CLBA1: variants seen among roughly 807,000 people sequenced by gnomAD.
CLBA1 encodes uncharacterized protein CLBA1.
In CLBA1, 30 loss-of-function variants were observed where a neutral mutation model predicts 28.8. The ratio of observed to expected loss-of-function variants is 1.04; its 90% confidence interval spans 0.78 to 1.41. The LOEUF (loss-of-function observed/expected upper bound fraction) is 1.41, where lower values mean the gene tolerates loss of function less well. CLBA1 is among the 40% of genes most tolerant of loss of function. The probability of loss-of-function intolerance (pLI) is 0.00; values close to 1 mark genes in which losing one functional copy is unlikely to be tolerated. For missense variants in CLBA1, 451 were observed against 412.3 expected (o/e 1.09, Z -0.81); for synonymous variants, 160 against 152.8 (o/e 1.05, Z -0.35).
At chr14:104,999,723 T>C (rs951833049), downstream of CLBA1, among the ~76,000 whole-genome samples, 6 of 152,230 alleles carry the variant, frequency 3.9e-5, no homozygotes, top group African/African-American at 1.2e-4. Flanking sequence ...AGTGGGTCCA[T>C]AGAGGTCACT....
Position 104,994,729 on chromosome 14 carries a change from A to G in CLBA1, c.948A>G (p.Lys316=), listed in dbSNP as rs1900126580. The G allele has an allele frequency of 9.3e-6, 15 of 1,612,072 alleles. No homozygotes were observed. Among genetic ancestry groups the G allele is most frequent in the Non-Finnish European group, 1.3e-5 (15 of 1,179,268 alleles). Residue 316 remains lysine (K), a synonymous_variant, in exon 5 of 5, where the codon AAA becomes AAG. Transcript: ENST00000547315. ...RKRMFTPRKL[K]LTLFNSDVC is the part of the protein sequence containing the mutation. ...GGATGTTCACTCCACGCAAGCTCAA[A>G]CTGACACTCTTTAATAGCGACGTTT...
rs781335167 is a variant in CLBA1 at position 104,993,006 on chromosome 14, G to A, written c.758G>A (p.Gly253Glu). The A allele has an allele frequency of 7.4e-6, 12 of 1,614,136 alleles. No individual in the cohort carries two copies. The Middle Eastern group carries it at 9.9e-4, about 133-fold the overall frequency. The stretch of plus-strand genomic sequence containing the variant: ...GATTGTGACCTCAAAGAGCCTGAAG[G>A]ACTCCTCACTGTCAGCAGCTTCTGT... ...MEDCDLKEPEGLLTVSSFCLQ... is the reference protein window; with the variant it reads ...MEDCDLKEPEELLTVSSFCLQ... Residue 253 changes from glycine to glutamate, a missense_variant, in exon 4 of 5, where the codon GGA becomes GAA. Coordinates refer to ENST00000547315, the MANE Select transcript of CLBA1 (RefSeq NM_174891.4).
chr14:104,996,920 G>A (rs984311393), downstream of CLBA1, among the ~76,000 whole-genome samples: 4 of 152,356 alleles, frequency 2.6e-5, no homozygotes, highest in Admixed American at 6.5e-5. Context: ...TGGAAGGCAC[G>A]TGCCCCTCTG....
chr14:104,987,727 C>T (rs1318439633), intron 1 of CLBA1, among the ~76,000 whole-genome samples: 1 of 139,692 alleles, frequency 7.2e-6, no homozygotes, highest in Non-Finnish European at 1.5e-5. Context: ...AAGCAGTTCT[C>T]CTGCCTTAGC....
chr14:104,996,452 A>G (rs891711248), downstream of CLBA1, among the ~76,000 whole-genome samples: 29 of 152,214 alleles, frequency 1.9e-4, no homozygotes, highest in African/African-American at 7.0e-4. Context: ...GAAAGTGCCA[A>G]AAGCTGGGAG....
intron 1 of CLBA1, among the ~76,000 whole-genome samples, chr14:104,988,432 C>T (rs576304233): frequency 1.3e-4 from 19 of 151,992 alleles, no homozygotes; most frequent in Middle Eastern, 6.8e-3. Flanking sequence ...CCCCACCCGC[C>T]GGATTCAAGC....
chr14:105,000,618 TACAC>T (rs1475883605), intron 2 of CLBA1, among the ~76,000 whole-genome samples: 1 of 151,976 alleles, frequency 6.6e-6, no homozygotes, highest in Non-Finnish European at 1.5e-5. Flanking sequence ...TTTATATATA[TACAC>T]ACACACAAAT....
At chr14:104,993,475 T>A in intron 4 of CLBA1, 1 of 985,392 alleles carries the variant, frequency 1.0e-6, no homozygotes, top group Non-Finnish European at 1.2e-6. Flanking sequence ...GACTGGCGGC[T>A]TCAGTCACGG....
chr14:104,998,725 G>A (rs772123381), downstream of CLBA1, among the ~76,000 whole-genome samples: 1 of 152,268 alleles, frequency 6.6e-6, no homozygotes, highest in Non-Finnish European at 1.5e-5. Context: ...CTTTCACAGT[G>A]AGTGTGGCTA....
At chr14:104,988,899 G>A (rs1253571567) in intron 1 of CLBA1, 44 bp from the exon 2 acceptor site, 2 of 1,539,882 alleles carry the variant, frequency 1.3e-6, no homozygotes, top group Admixed American at 1.9e-5. Context: ...CGTTATGTAT[G>A]TCTTTCTCCT....
At position 104,986,627 on chromosome 14, in the gene CLBA1, G is replaced by A; in HGVS notation, c.196G>A (p.Ala66Thr). ...CCGTGAGGGCGGTTCCACCTGCACT[G>A]CCCGATGTCCTGACCCTGGGGAACA... ...MPREGGSTCT[A>T]RCPDPGEHSS... The change falls in exon 1 of 5, where the codon GCC (alanine) becomes ACC (threonine). Residue 66 changes from alanine to threonine, a missense_variant. Physicochemically the swap from Ala to Thr is moderately conservative, Grantham distance 58. Coordinates refer to ENST00000547315, the MANE Select transcript of CLBA1 (RefSeq NM_174891.4). 1.2e-6 allele frequency: 2 copies of A among 1,614,076 alleles called. No individual in the cohort carries two copies. Among genetic ancestry groups the A allele is most frequent in the African/African-American group, 1.3e-5 (1 of 75,030 alleles).
At position 104,993,132 on chromosome 14, in the gene CLBA1, G is replaced by A. The variant is rs1900084504; in HGVS notation, c.816+68G>A. 7.1e-6 allele frequency: 11 copies of A among 1,555,874 alleles called. No homozygotes were observed. The South Asian group carries it at 9.4e-5, about 13-fold the overall frequency. On this transcript the variant is annotated intron_variant, in intron 4 of 4. Transcript: ENST00000547315. ...GGTGTCCACACATGTGGAGCCCTCCGCTTTCTCTGATGTGAGTCAGTTGCT... is the reference window on the plus strand; with the variant it reads ...GGTGTCCACACATGTGGAGCCCTCCACTTTCTCTGATGTGAGTCAGTTGCT...
At chr14:104,989,296 T>C in intron 2 of CLBA1, 1 of 542,660 alleles carries the variant, frequency 1.8e-6, no homozygotes, top group East Asian at 3.2e-5. Flanking sequence ...CTATTCATCC[T>C]CCTCCCCAGC....
chr14:104,998,514 C>T (rs149231563), downstream of CLBA1, among the ~76,000 whole-genome samples: 21 of 152,274 alleles, frequency 1.4e-4, no homozygotes, highest in Middle Eastern at 3.4e-3. Flanking sequence ...ACGATGTTGC[C>T]GTGCTGGTTT....
At chr14:104,987,168 C>T (rs988233990) in intron 1 of CLBA1, among the ~76,000 whole-genome samples, 1 of 152,252 alleles carries the variant, frequency 6.6e-6, no homozygotes, top group African/African-American at 2.4e-5. Flanking sequence ...GCTGCACTGG[C>T]CCCAGCTCAG....
At chr14:104,997,802 A>G (rs1345622405), downstream of CLBA1, among the ~76,000 whole-genome samples, 1 of 152,176 alleles carries the variant, frequency 6.6e-6, no homozygotes, top group East Asian at 1.9e-4. Flanking sequence ...TGAGATCAGG[A>G]GTTTGAGACC....
At chr14:104,993,194 A>G (rs1900086649) in intron 4 of CLBA1, 130 bp downstream of exon 4, 43 of 1,510,692 alleles carry the variant, frequency 2.8e-5, no homozygotes, top group Non-Finnish European at 3.7e-5. Flanking sequence ...CTTCCAGAAA[A>G]CAAACATTTG....
downstream of CLBA1, among the ~76,000 whole-genome samples, chr14:104,998,306 C>T (rs1900191985): frequency 6.6e-6 from 1 of 151,476 alleles, no homozygotes; most frequent in Non-Finnish European, 1.5e-5. Context: ...CCCAGCTACT[C>T]AGGAGGCTGA....
In CLBA1 at chr14:104,985,851, G is replaced by A. The variant is rs1899836263; in HGVS notation, c.-581G>A. 3.5e-6 allele frequency: 1 copy of A among 284,230 alleles called. No homozygotes were observed. The highest frequency in any genetic ancestry group is 2.4e-5 in the South Asian group (1 of 42,072). The allele number at this position is 284,230 out of a possible 1,614,324, so 17.6% of individuals were successfully genotyped here. A position where few individuals can be genotyped will look rare whatever the true frequency, so the allele number is the denominator to read the frequency against. ...TGCAGGTTTCTCTCGCCCTGGTCCC[G>A]CGCGGCCCCGCCGAGGCGGCGACCA... On this transcript the variant is annotated 5_prime_UTR_variant, in exon 1 of 5. Transcript: ENST00000547315.
Sources: allele counts gnomAD v4.1 joint callset (sites outside exome capture counted in the v4.1 genomes callset), GRCh38; gene constraint gnomAD v4.1.1; transcripts MANE v1.5; gene names NCBI Gene and HGNC (gene_info 2026-07-23, HGNC 2026-07-21).